CACNA2D3: variants seen among roughly 807,000 people sequenced by gnomAD.
The protein encoded by CACNA2D3 is voltage-dependent calcium channel subunit alpha-2/delta-3.
In CACNA2D3, 60 loss-of-function variants were observed where a neutral mutation model predicts 160.6. That is an observed-to-expected ratio of 0.37 (90% CI 0.30 to 0.46). CACNA2D3 has a LOEUF of 0.46. Among genes scored for constraint, CACNA2D3 ranks in the 20% least tolerant of loss-of-function variants. The probability of loss-of-function intolerance (pLI) is 1.00; values close to 1 mark genes in which losing one functional copy is unlikely to be tolerated. For synonymous variants in CACNA2D3, 558 were observed against 492.9 expected, an observed-to-expected ratio of 1.13 and a Z score of -1.75; for missense variants, 1,205 against 1,365.0, an observed-to-expected ratio of 0.88 and a Z score of 1.85.
chr3:54,794,005 A>G (rs555388513), intron 13 of CACNA2D3, among the ~76,000 whole-genome samples: 40 of 152,162 alleles, frequency 2.6e-4, no homozygotes, highest in African/African-American at 9.4e-4. Flanking sequence ...ATTTATTGGC[A>G]TAAAGATGTT....
At chr3:54,414,712 G>T (rs1168629404) in intron 4 of CACNA2D3, among the ~76,000 whole-genome samples, 3 of 150,944 alleles carry the variant, frequency 2.0e-5, no homozygotes, top group Non-Finnish European at 4.4e-5. Context: ...TTAATTTGTG[G>T]GTAATGGTGG....
intron 17 of CACNA2D3, among the ~76,000 whole-genome samples, chr3:54,865,891 G>A (rs1020010925): frequency 1.4e-4 from 22 of 152,176 alleles, no homozygotes; most frequent in African/African-American, 5.1e-4. Flanking sequence ...TAAGCTGAGT[G>A]CCCGTACCTC....
rs548409829 is a variant in CACNA2D3, at chr3:54,934,879, A to G, written c.2450-33571A>G. Among the ~76,000 whole-genome samples the G allele has an allele frequency of 2.0e-5, 3 of 152,118 alleles. 1 individual carries two copies. In the South Asian group the frequency reaches 6.2e-4, roughly 32 times the overall value. ...CCCGAGTAGCTGGGATTACAGGCAC[A>G]CACCACCACACCCCGCTAATTTCTG... On this transcript the variant is annotated intron_variant, in intron 27 of 37. Coordinates refer to ENST00000474759, the MANE Select transcript of CACNA2D3 (RefSeq NM_018398.3).
intron 3 of CACNA2D3, among the ~76,000 whole-genome samples, chr3:54,366,580 T>A (rs1698831529): frequency 6.6e-6 from 1 of 152,178 alleles, no homozygotes; most frequent in Admixed American, 6.5e-5. Flanking sequence ...GCTCCACATA[T>A]GTACTAGATT....
chr3:54,469,394 T>A (rs1700688250), intron 4 of CACNA2D3, among the ~76,000 whole-genome samples: 1 of 152,106 alleles, frequency 6.6e-6, no homozygotes, highest in African/African-American at 2.4e-5. Flanking sequence ...ACAAAAAGGA[T>A]GTTCACACAA....
chr3:54,461,527 T>G (rs1019555014), intron 4 of CACNA2D3, among the ~76,000 whole-genome samples: 10 of 151,684 alleles, frequency 6.6e-5, no homozygotes, highest in East Asian at 1.9e-4. Flanking sequence ...GTCGAGGAAT[T>G]TATCCATTTC....
intron 11 of CACNA2D3, among the ~76,000 whole-genome samples, chr3:54,688,491 T>C (rs539128133): frequency 7.9e-5 from 12 of 151,916 alleles, no homozygotes; most frequent in African/African-American, 2.7e-4. Context: ...AGAAGAAAGG[T>C]AGATTATTGA....
intron 2 of CACNA2D3, among the ~76,000 whole-genome samples, chr3:54,190,968 A>G (rs748592356): frequency 6.6e-6 from 1 of 151,928 alleles, no homozygotes; most frequent in Non-Finnish European, 1.5e-5. Flanking sequence ...CAGAACTGTC[A>G]TAAAGATGAA....
chr3:54,983,287 T>C (rs1702545874), intron 29 of CACNA2D3, among the ~76,000 whole-genome samples: 1 of 152,236 alleles, frequency 6.6e-6, no homozygotes, highest in Non-Finnish European at 1.5e-5. Context: ...ACTAAGGAAC[T>C]GAATTTTTAG....
intron 2 of CACNA2D3, among the ~76,000 whole-genome samples, chr3:54,163,059 G>A (rs889165838): frequency 6.6e-6 from 1 of 152,188 alleles, no homozygotes; most frequent in Non-Finnish European, 1.5e-5. Context: ...TTGAGAAATG[G>A]TCAGAAGACC....
At chr3:54,879,968 AT>A (rs1425041345) in intron 20 of CACNA2D3, among the ~76,000 whole-genome samples, 9 of 152,218 alleles carry the variant, frequency 5.9e-5, no homozygotes, top group African/African-American at 2.2e-4. Context: ...TCCCACTACT[AT>A]TAACTTAGTG....
intron 18 of CACNA2D3, 73 bp downstream of exon 18, chr3:54,871,695 CAGG>C (rs1332390196): frequency 4.1e-6 from 5 of 1,209,638 alleles, no homozygotes; most frequent in Non-Finnish European, 6.0e-6. Context: ...GGGGCGATCC[CAGG>C]AGTTGGCCAA....
chr3:54,981,455 C>G (rs992445133), intron 29 of CACNA2D3, among the ~76,000 whole-genome samples: 4 of 151,828 alleles, frequency 2.6e-5, no homozygotes, highest in African/African-American at 9.7e-5. Flanking sequence ...GAATTTTTAC[C>G]TAAACAGTGA....
chr3:54,493,335 C>T (rs1174719328), intron 4 of CACNA2D3, among the ~76,000 whole-genome samples: 1 of 152,038 alleles, frequency 6.6e-6, no homozygotes, highest in Non-Finnish European at 1.5e-5. Flanking sequence ...TCTTGACCTC[C>T]CAAAATGTTA....
At chr3:54,403,046 G>T (rs1699499792) in intron 4 of CACNA2D3, among the ~76,000 whole-genome samples, 1 of 152,086 alleles carries the variant, frequency 6.6e-6, no homozygotes, top group Admixed American at 6.6e-5. Context: ...GGTCAAAGAA[G>T]AAATCAAGAG....
chr3:54,558,472 G>A (rs7642818), intron 5 of CACNA2D3, among the ~76,000 whole-genome samples: 127,018 of 151,802 alleles, frequency 0.84, 53,193 homozygotes, highest in African/African-American at 0.86. Context: ...GGTTTGTTAT[G>A]TGGGTAAATT....
At chr3:54,481,914 A>G (rs1700939385) in intron 4 of CACNA2D3, among the ~76,000 whole-genome samples, 1 of 152,246 alleles carries the variant, frequency 6.6e-6, no homozygotes, top group Admixed American at 6.5e-5. Flanking sequence ...ATGTGAAAAT[A>G]TACATATGGG....
At chr3:54,967,191 C>T (rs935365322) in intron 27 of CACNA2D3, 20 of 152,356 alleles carry the variant, frequency 1.3e-4, no homozygotes, top group African/African-American at 4.8e-4. Flanking sequence ...AATGTACACA[C>T]CCAGTTAACC....
chr3:54,277,129 C>T (rs150984196), intron 2 of CACNA2D3, among the ~76,000 whole-genome samples: 24 of 152,372 alleles, frequency 1.6e-4, no homozygotes, highest in East Asian at 3.9e-4. Context: ...GGCCCCCACA[C>T]GCTGCCCTGC....
Sources: gnomAD v4.1 joint callset for allele counts (sites outside exome capture counted in the v4.1 genomes callset) on GRCh38, gnomAD v4.1.1 for gene constraint, MANE v1.5 for transcripts, NCBI Gene and HGNC (gene_info 2026-07-23, HGNC 2026-07-21) for gene names.